RBFOX1: variants seen among roughly 807,000 people sequenced by gnomAD.
The protein encoded by RBFOX1 is RNA binding fox-1 homolog 1.
A neutral mutation model predicts 57.7 loss-of-function variants in RBFOX1; 8 were observed. The ratio of observed to expected loss-of-function variants is 0.14; its 90% CI spans 0.08 to 0.25. The LOEUF (loss-of-function observed/expected upper bound fraction) is 0.25, where lower values mean the gene tolerates loss of function less well. RBFOX1 is among the 10% of genes least tolerant of loss of function. The pLI, the probability that RBFOX1 is intolerant of heterozygous loss-of-function variation, is 1.00. For synonymous variants in RBFOX1, 326 were observed against 222.4 expected (o/e 1.47, Z -4.15); for missense variants, 611 against 548.5 (o/e 1.11, Z -1.14).
At chr16:6,850,732 A>G (rs1349922515) in intron 3 of RBFOX1, among the ~76,000 whole-genome samples, 1 of 152,212 alleles carries the variant, frequency 6.6e-6, no homozygotes, top group Admixed American at 6.5e-5. Context: ...AAGAATAGTG[A>G]CAATACCAAA....
At chr16:5,627,221 C>G (rs375490213) in intron 3 of RBFOX1, among the ~76,000 whole-genome samples, 49 of 152,236 alleles carry the variant, frequency 3.2e-4, no homozygotes, top group African/African-American at 1.1e-3. Context: ...GAAAATGATT[C>G]TATCATATCC....
intron 2 of RBFOX1, among the ~76,000 whole-genome samples, chr16:6,323,380 A>G (rs576160356): frequency 7.2e-5 from 11 of 152,214 alleles, no homozygotes; most frequent in South Asian, 2.1e-4. Context: ...GGTGTGCACA[A>G]TCTGTCTTCC....
At chr16:6,733,886 C>G (rs535126552) in intron 3 of RBFOX1, among the ~76,000 whole-genome samples, 1 of 152,344 alleles carries the variant, frequency 6.6e-6, no homozygotes, top group African/African-American at 2.4e-5. Flanking sequence ...AGTGTTGGTT[C>G]TGATTGTCAG....
At chr16:6,820,194 G>C (rs377148791) in intron 3 of RBFOX1, among the ~76,000 whole-genome samples, 1 of 152,046 alleles carries the variant, frequency 6.6e-6, no homozygotes, top group Non-Finnish European at 1.5e-5. Flanking sequence ...ACCTTCCATC[G>C]TGATTGTGAG....
At chr16:5,451,867 C>T (rs556926037) in intron 1 of RBFOX1, among the ~76,000 whole-genome samples, 3 of 151,556 alleles carry the variant, frequency 2.0e-5, no homozygotes, top group Admixed American at 6.5e-5. Context: ...CTACAACTCC[C>T]AGCTGCCCAC....
intron 3 of RBFOX1, among the ~76,000 whole-genome samples, chr16:6,655,322 C>G (rs2154090372): frequency 8.0e-6 from 1 of 125,366 alleles, no homozygotes; most frequent in East Asian, 2.5e-4. Flanking sequence ...TGCAGTGAGC[C>G]AAAATTGCAC....
rs1044533018 is a variant in RBFOX1 at position 6,065,885 on chromosome 16, G to A, written c.-127+45893G>A. Among the ~76,000 whole-genome samples the A allele has an allele frequency of 2.6e-5, 4 of 152,278 alleles. No homozygotes were observed. In the East Asian group the frequency reaches 7.7e-4, roughly 29 times the overall value. Reference sequence around the variant, plus strand: ...TCTGGATTTTGCCTCCGAGGACTAGGGTTGTCCTCATATGAAGTGATTGCC... The same window carrying A: ...TCTGGATTTTGCCTCCGAGGACTAGAGTTGTCCTCATATGAAGTGATTGCC... On this transcript the variant is annotated intron_variant, in intron 1 of 15. Coordinates refer to ENST00000550418, the MANE Select transcript of RBFOX1 (RefSeq NM_018723.4).
chr16:6,960,261 A>G (rs1164138027), intron 3 of RBFOX1, among the ~76,000 whole-genome samples: 2 of 152,196 alleles, frequency 1.3e-5, no homozygotes, highest in African/African-American at 4.8e-5. Flanking sequence ...GAGGCTGCAG[A>G]GGAAGGTCTT....
chr16:6,189,034 C>T (rs1024311108), intron 1 of RBFOX1, among the ~76,000 whole-genome samples: 2 of 152,188 alleles, frequency 1.3e-5, no homozygotes, highest in Non-Finnish European at 2.9e-5. Context: ...CTCTATGAAC[C>T]TGGGCACAGA....
intron 3 of RBFOX1, among the ~76,000 whole-genome samples, chr16:6,945,792 G>A (rs4786130): frequency 0.017 from 2,562 of 152,254 alleles, 125 homozygotes; most frequent in East Asian, 0.12. Flanking sequence ...TTCGGAGGCC[G>A]AGACGGGAGA....
chr16:7,176,529 A>G (rs1673152647), intron 4 of RBFOX1, among the ~76,000 whole-genome samples: 1 of 152,150 alleles, frequency 6.6e-6, no homozygotes, highest in African/African-American at 2.4e-5. Flanking sequence ...TTGTAAATAC[A>G]GTTATAGTGG....
intron 3 of RBFOX1, among the ~76,000 whole-genome samples, chr16:6,667,801 A>C (rs890089076): frequency 6.6e-6 from 1 of 152,008 alleles, no homozygotes; most frequent in African/African-American, 2.4e-5. Flanking sequence ...AAGGAGAAGG[A>C]TCTCTGGAGC....
chr16:7,689,375 T>C (rs946887332), intron 14 of RBFOX1, among the ~76,000 whole-genome samples: 1 of 152,122 alleles, frequency 6.6e-6, no homozygotes, highest in Admixed American at 6.6e-5. Flanking sequence ...TTGCAGATTT[T>C]TCAGCAAGGT....
intron 4 of RBFOX1, among the ~76,000 whole-genome samples, chr16:7,141,392 A>G (rs113344728): frequency 1.1e-4 from 16 of 151,526 alleles, no homozygotes; most frequent in African/African-American, 3.9e-4. Flanking sequence ...ACCTTAAAAT[A>G]CAGCTTGGGC....
intron 1 of RBFOX1, among the ~76,000 whole-genome samples, chr16:6,070,797 AATT>A (rs1263466033): frequency 6.6e-6 from 1 of 151,984 alleles, no homozygotes; most frequent in Non-Finnish European, 1.5e-5. Context: ...TAGGTAATAA[AATT>A]ATACACACAC....
chr16:7,537,192 C>T (rs1230528686), intron 5 of RBFOX1, among the ~76,000 whole-genome samples: 1 of 152,232 alleles, frequency 6.6e-6, no homozygotes, highest in African/African-American at 2.4e-5. Flanking sequence ...TGCCAGTAAG[C>T]TCTTGCCATG....
At chr16:7,307,344 C>A (rs1417119084) in intron 4 of RBFOX1, among the ~76,000 whole-genome samples, 1 of 152,188 alleles carries the variant, frequency 6.6e-6, no homozygotes, top group African/African-American at 2.4e-5. Flanking sequence ...TAAATTCTCA[C>A]AGATTTATCC....
intron 4 of RBFOX1, among the ~76,000 whole-genome samples, chr16:5,970,540 A>T (rs2059941681): frequency 6.6e-6 from 1 of 152,186 alleles, no homozygotes; most frequent in Non-Finnish European, 1.5e-5. Context: ...TCAACCAATG[A>T]GTTGCTCAAG....
At position 5,943,741 on chromosome 16, in the gene RBFOX1, A is replaced by G. The variant is rs1050475746; in HGVS notation, c.351+76406A>G. Among the ~76,000 whole-genome samples, 5 of 152,212 alleles carry G rather than the reference A, an allele frequency of 3.3e-5. No homozygotes were observed. The East Asian group carries it at 9.6e-4, about 29-fold the overall frequency. On this transcript the variant is annotated intron_variant, in intron 4 of 19. Coordinates refer to the RBFOX1 transcript ENST00000641259. The stretch of plus-strand genomic sequence containing the variant: ...TCAACAGTTTGCCAAGTAAACTACA[A>G]GTAGTGCCTGAACAAGGTCCAAAAG...
Sources: allele counts gnomAD v4.1 joint callset (sites outside exome capture counted in the v4.1 genomes callset), GRCh38; gene constraint gnomAD v4.1.1; transcripts MANE v1.5; gene names NCBI Gene and HGNC (gene_info 2026-07-23, HGNC 2026-07-21).